Variants in OSTM1 observed in about 807,000 individuals in gnomAD.
OSTM1 encodes osteoclastogenesis associated transmembrane protein 1.
OSTM1 carries 26 observed loss-of-function variants against 35.4 expected under a neutral mutation model. That is an observed-to-expected ratio of 0.73 (90% CI 0.54 to 1.02). The LOEUF is 1.02. OSTM1 is among the 50% of genes least tolerant of loss of function. The pLI, the probability that OSTM1 is intolerant of heterozygous loss-of-function variation, is 0.00. For synonymous variants in OSTM1, 181 were observed against 165.0 expected (o/e 1.10, Z -0.75); for missense variants, 366 against 409.6 (o/e 0.89, Z 0.92).
chr6:108,067,828 T>TAAAAAAAAAAAAAAAAAAAAAAAA (rs60932026), intron 1 of OSTM1, among the ~76,000 whole-genome samples: 1 of 77,800 alleles, frequency 1.3e-5, no homozygotes, highest in African/African-American at 4.6e-5. Flanking sequence ...AGCCTCTGTC[T>TAAAAAAAAAAAAAAAAAAAAAAAA]AAAAAAAAAA....
At chr6:108,066,508 A>G (rs1211247974) in intron 1 of OSTM1, among the ~76,000 whole-genome samples, 1 of 152,206 alleles carries the variant, frequency 6.6e-6, no homozygotes, top group Non-Finnish European at 1.5e-5. Flanking sequence ...TGTCCTGTAA[A>G]TCAAGGAAAA....
chr6:108,053,976 G>A (rs1020986829), intron 3 of OSTM1, among the ~76,000 whole-genome samples: 6 of 152,202 alleles, frequency 3.9e-5, no homozygotes, highest in Non-Finnish European at 8.8e-5. Flanking sequence ...TCAAGAGTCA[G>A]AGATAGAGAT....
chr6:108,041,475 C>G lies in OSTM1; in HGVS notation c.*3310G>C, dbSNP rs933044981. ...AAGTTATTTGTCATTAAACATGTTA[C>G]ATGTATGACTAATATTTATTATAGC... On this transcript the variant is annotated 3_prime_UTR_variant, in exon 6 of 6. Coordinates refer to ENST00000193322, the MANE Select transcript of OSTM1 (RefSeq NM_014028.4). 6.6e-6 allele frequency: 1 copy of G among 152,136 alleles called. No homozygotes were observed. Among genetic ancestry groups the G allele is most frequent in the Admixed American group, 6.5e-5 (1 of 15,276 alleles). 9.4% of individuals were successfully genotyped at this position (152,136 alleles called of 1,614,324 possible). A position where few individuals can be genotyped will look rare whatever the true frequency, so the allele number is the denominator to read the frequency against.
chr6:108,065,447 T>A lies in OSTM1; in HGVS notation c.403-1148A>T, dbSNP rs145881702. Among the ~76,000 whole-genome samples, 733 of 148,818 alleles carry A rather than the reference T, an allele frequency of 4.9e-3. 7 individuals are homozygous for A. The highest frequency in any genetic ancestry group is 0.017 in the African/African-American group (695 of 40,450). On this transcript the variant is annotated intron_variant, in intron 1 of 5. Transcript: ENST00000193322. Reference sequence around the variant, plus strand: ...CAGACGGGGTTTCACCATGTTGGCCTGACTGGTCTCGAACTCCTGACCTCA... The same window carrying A: ...CAGACGGGGTTTCACCATGTTGGCCAGACTGGTCTCGAACTCCTGACCTCA...
At chr6:108,067,877 C>T (rs1344840596) in intron 1 of OSTM1, among the ~76,000 whole-genome samples, 1 of 146,260 alleles carries the variant, frequency 6.8e-6, no homozygotes, top group African/African-American at 2.5e-5. Context: ...GAAAGAAAGT[C>T]TCTGAGTCCC....
intron 5 of OSTM1, among the ~76,000 whole-genome samples, chr6:108,047,379 C>T (rs950246091): frequency 5.9e-5 from 9 of 152,100 alleles, no homozygotes; most frequent in Admixed American, 1.3e-4. Flanking sequence ...ATGGATGTGA[C>T]GAGTTTAGAA....
Position 108,064,231 on chromosome 6 carries a change from A to G in OSTM1, c.471T>C (p.Ile157=), listed in dbSNP as rs1177836535. The part of the protein sequence containing the change: ...LMADRMQIVV[I]LSEFFNTTWQ... ...ATGTGGTATTAAAAAATTCTGAGAGAATCACAACTATTTGCATTCTATCTG... is the reference window on the plus strand; with the variant it reads ...ATGTGGTATTAAAAAATTCTGAGAGGATCACAACTATTTGCATTCTATCTG... The change falls in exon 2 of 6, where the codon ATT becomes ATC. Residue 157 remains isoleucine (I), a synonymous_variant. Coordinates refer to ENST00000193322, the MANE Select transcript of OSTM1 (RefSeq NM_014028.4). 2 of 1,606,386 alleles carry G rather than the reference A, an allele frequency of 1.2e-6. No individual in the cohort carries two copies. Among genetic ancestry groups the G allele is most frequent in the South Asian group, 2.2e-5 (2 of 90,968 alleles).
chr6:108,054,641 T>C, intron 2 of OSTM1, 54 bp from the exon 3 acceptor site: 2 of 823,044 alleles, frequency 2.4e-6, no homozygotes, highest in Admixed American at 1.8e-5. Flanking sequence ...CAATTCTATG[T>C]TGTCATTTAT....
At chr6:108,059,297 A>C (rs1180604140) in intron 2 of OSTM1, among the ~76,000 whole-genome samples, 5 of 152,226 alleles carry the variant, frequency 3.3e-5, no homozygotes, top group Non-Finnish European at 7.3e-5. Context: ...TCTCCATCAG[A>C]AACAGCTAGT....
chr6:108,067,126 C>T (rs1413776696), intron 1 of OSTM1, among the ~76,000 whole-genome samples: 1 of 152,060 alleles, frequency 6.6e-6, no homozygotes, highest in African/African-American at 2.4e-5. Flanking sequence ...TGCTCATTCT[C>T]TCCTTTTTAC....
chr6:108,063,549 G>A (rs1772323500), intron 2 of OSTM1, among the ~76,000 whole-genome samples: 1 of 151,946 alleles, frequency 6.6e-6, no homozygotes, highest in Non-Finnish European at 1.5e-5. Context: ...GCACATAGTT[G>A]GTATTCAAAA....
intron 3 of OSTM1, among the ~76,000 whole-genome samples, chr6:108,053,947 C>G (rs566442669): frequency 1.3e-5 from 2 of 152,298 alleles, no homozygotes; most frequent in East Asian, 3.9e-4. Context: ...CACGACCGGG[C>G]AAGTTCCAAT....
chr6:108,044,470 G>C lies in OSTM1; in HGVS notation c.*315C>G. 5.2e-6 allele frequency: 1 copy of C among 192,878 alleles called. No individual in the cohort carries two copies. The highest frequency in any genetic ancestry group is 1.1e-5 in the Non-Finnish European group (1 of 95,088). 11.9% of individuals were successfully genotyped at this position (192,878 alleles called of 1,614,324 possible). On this transcript the variant is annotated 3_prime_UTR_variant, in exon 6 of 6. Transcript: ENST00000193322. ...CTTGAGATATTTATGTTAGTAAGAA[G>C]ATACCAGAAGTCTAGAATAGTAATC...
In OSTM1 at chr6:108,074,533, T is replaced by G. The variant is rs1772555213; in HGVS notation, c.119A>C (p.His40Pro). The G allele has an allele frequency of 6.4e-7, 1 of 1,556,724 alleles. No homozygotes were observed. The highest frequency in any genetic ancestry group is 8.7e-7 in the Non-Finnish European group (1 of 1,151,760). ...LGALPFGSSP[H>P]RVFHDLLSEQ... The stretch of plus-strand genomic sequence containing the variant: ...CGACAGGAGGTCGTGGAAGACCCTG[T>G]GCGGACTGCTGCCGAAGGGGAGCGC... Residue 40 changes from histidine to proline, a missense_variant, in exon 1 of 6, where the codon CAC becomes CCC. Around this residue, in one of 3 missense-constraint regions of OSTM1, gnomAD observed 236 missense variants for 239.3 expected, o/e 0.99. Coordinates refer to ENST00000193322, the MANE Select transcript of OSTM1 (RefSeq NM_014028.4).
chr6:108,045,341 C>T (rs953164094), intron 5 of OSTM1, among the ~76,000 whole-genome samples: 26 of 151,770 alleles, frequency 1.7e-4, no homozygotes, highest in African/African-American at 5.8e-4. Flanking sequence ...TGGAATAAGA[C>T]GAAAATACCT....
In OSTM1 at chr6:108,043,696, T is replaced by C. The variant is rs1193390451; in HGVS notation, c.*1089A>G. ...TCTGAGCACGAACTATGTGATTTCA[T>C]TTCAATCGTATCACTTTCATCTGAT... On this transcript the variant is annotated 3_prime_UTR_variant, in exon 6 of 6. Coordinates refer to ENST00000193322, the MANE Select transcript of OSTM1 (RefSeq NM_014028.4). 1 of 152,226 alleles carries C rather than the reference T, an allele frequency of 6.6e-6. No homozygotes were observed. The highest frequency in any genetic ancestry group is 1.5e-5 in the Non-Finnish European group (1 of 68,040). 9.4% of individuals were successfully genotyped at this position (152,226 alleles called of 1,614,324 possible). A position where few individuals can be genotyped will look rare whatever the true frequency, so the allele number is the denominator to read the frequency against.
chr6:108,074,181 A>G, intron 1 of OSTM1, 69 bp downstream of exon 1: 3 of 1,496,200 alleles, frequency 2.0e-6, no homozygotes, highest in Non-Finnish European at 2.8e-6. Context: ...CCCAGCGCTG[A>G]CCATCATTAC....
chr6:108,050,886 TA>T, intron 4 of OSTM1, 144 bp downstream of exon 4: 1 of 721,282 alleles, frequency 1.4e-6, no homozygotes, highest in Non-Finnish European at 2.4e-6. Context: ...CAGGATATTC[TA>T]AAACTTTACT....
chr6:108,064,759 A>G (rs1019039455), intron 1 of OSTM1, among the ~76,000 whole-genome samples: 2 of 152,192 alleles, frequency 1.3e-5, no homozygotes, highest in Admixed American at 6.5e-5. Context: ...TGAGGATATA[A>G]AAAGTATAAA....
Sources: allele counts gnomAD v4.1 joint callset (sites outside exome capture counted in the v4.1 genomes callset), GRCh38; gene constraint gnomAD v4.1.1; regional missense constraint gnomAD v4.1.1; transcripts MANE v1.5; gene names NCBI Gene and HGNC (gene_info 2026-07-23, HGNC 2026-07-21).